The following SMARCA4 variants were observed in gnomAD, a reference collection of about 807,000 sequenced individuals.
SMARCA4 encodes the protein SWI/SNF related BAF chromatin remodeling complex subunit ATPase 4.
In SMARCA4, 31 loss-of-function variants were observed where a neutral mutation model predicts 193.9. The observed-to-expected ratio is 0.16, with a 90% CI of 0.12 to 0.22. The LOEUF is 0.22. Ranked by LOEUF, SMARCA4 falls within the 10% of genes least tolerant of loss-of-function variation. The probability of loss-of-function intolerance (pLI) is 1.00; values close to 1 mark genes in which losing one functional copy is unlikely to be tolerated. For missense variants in SMARCA4, 1,148 were observed against 2,296.0 expected (o/e 0.50, Z 10.22); for synonymous variants, 942 against 933.1 (o/e 1.01, Z -0.17).
intron 6 of SMARCA4, 147 bp downstream of exon 6, chr19:10,988,071 T>C: frequency 1.3e-6 from 1 of 745,578 alleles, no homozygotes; most frequent in Non-Finnish European, 2.2e-6. Flanking sequence ...CTCACCTCCC[T>C]GCTCCCACCC....
intron 29 of SMARCA4, chr19:11,040,456 G>C (rs1177276395): frequency 6.6e-6 from 1 of 151,414 alleles, no homozygotes; most frequent in Non-Finnish European, 1.5e-5. Flanking sequence ...GCTAGGCGTG[G>C]TGGTTTGCGC....
chr19:10,971,041 A>G (rs1230959958), intron 1 of SMARCA4, among the ~76,000 whole-genome samples: 1 of 152,166 alleles, frequency 6.6e-6, no homozygotes, highest in Non-Finnish European at 1.5e-5. Flanking sequence ...TACTAAAAAT[A>G]CAAAATTAGC....
Position 11,008,158 on chromosome 19 carries a change from C to T in SMARCA4, c.2123+135C>T, listed in dbSNP as rs1329696963. On this transcript the variant is annotated intron_variant, in intron 14 of 34. Coordinates refer to ENST00000344626, the MANE Select transcript of SMARCA4 (RefSeq NM_003072.5). ...AGCTGCTACTGTGGAACTACAGAGA[C>T]CAAATTTATTTACTTCACATTTCAT... 7 of 844,436 alleles carry T rather than the reference C, an allele frequency of 8.3e-6. No individual in the cohort carries two copies. In the East Asian group the frequency reaches 1.9e-4, roughly 23 times the overall value. The allele number at this position is 844,436 out of a possible 1,614,324, so 52.3% of individuals were successfully genotyped here.
At chr19:11,009,599 C>A (rs1600180777) in intron 14 of SMARCA4, among the ~76,000 whole-genome samples, 1 of 151,654 alleles carries the variant, frequency 6.6e-6, no homozygotes, top group Middle Eastern at 3.4e-3. Context: ...TGACTCACTG[C>A]AGCCTCTGCC....
At chr19:11,021,424 G>A (rs2089857210) in intron 18 of SMARCA4, 4 of 497,852 alleles carry the variant, frequency 8.0e-6, no homozygotes, top group Admixed American at 2.8e-5. Context: ...TTTCTGTGCT[G>A]TAGATTCATA....
rs769767718 is a variant in SMARCA4, at chr19:11,034,086, C to A, written c.3874-37C>A. The A allele has an allele frequency of 6.4e-7, 1 of 1,559,928 alleles. No individual in the cohort carries two copies. Among genetic ancestry groups the A allele is most frequent in the Non-Finnish European group, 8.8e-7 (1 of 1,131,534 alleles). The stretch of plus-strand genomic sequence containing the variant: ...GAGCTCGGCCGCCGCCCACCCCGGC[C>A]CCTCCTCAGCGGCACTGACAGTTTG... On this transcript the variant is annotated intron_variant, in intron 27 of 34. Coordinates refer to ENST00000344626, the MANE Select transcript of SMARCA4 (RefSeq NM_003072.5). This position sits in a 1 kb window ranked among gnomAD's most constrained non-coding sequence, Gnocchi z 7.0.
intron 14 of SMARCA4, among the ~76,000 whole-genome samples, chr19:11,009,159 C>CA (rs2088564732): frequency 6.6e-6 from 1 of 150,542 alleles, no homozygotes; most frequent in African/African-American, 2.4e-5. Flanking sequence ...GTAGCTGGCA[C>CA]AACAGGCGCG....
rs1026484455 is a variant in SMARCA4, at chr19:11,011,816, G to A, written c.2275-1133G>A. 80 of 152,238 alleles carry A rather than the reference G, an allele frequency of 5.3e-4. 1 individual carries two copies. The highest frequency in any genetic ancestry group is 1.9e-3 in the African/African-American group (79 of 41,452). 9.4% of individuals were successfully genotyped at this position (152,238 alleles called of 1,614,324 possible). ...CTGTAGCGCCCTATGTCGATCAGGT[G>A]TCTGTACTAAGTTCAGCATGAATAT... On this transcript the variant is annotated intron_variant, in intron 15 of 34. Transcript: ENST00000344626.
chr19:11,012,699 T>G, intron 15 of SMARCA4: 1 of 537,684 alleles, frequency 1.9e-6, no homozygotes, highest in South Asian at 1.9e-5. Context: ...AGATGTGTAT[T>G]AGAAATGTCA....
chr19:11,059,899 G>A lies in SMARCA4; in HGVS notation c.4768+14G>A, dbSNP rs1380997550. Reference sequence around the variant, plus strand: ...CCGAATCCGAATGTGAGTCCCGGGGGGGTTCAGGACGCCGGGGTTCACGCT... The same window carrying A: ...CCGAATCCGAATGTGAGTCCCGGGGAGGTTCAGGACGCCGGGGTTCACGCT... On this transcript the variant is annotated intron_variant, in intron 33 of 34. Transcript: ENST00000344626. The A allele has an allele frequency of 3.1e-6, 5 of 1,613,808 alleles. No homozygotes were observed. Among genetic ancestry groups the A allele is most frequent in the Non-Finnish European group, 4.2e-6 (5 of 1,179,994 alleles).
Position 10,984,519 on chromosome 19 carries a change from GC to G in SMARCA4, c.222+149del. On this transcript the variant is annotated intron_variant, in intron 2 of 34. Coordinates refer to ENST00000344626, the MANE Select transcript of SMARCA4 (RefSeq NM_003072.5). This position sits in a 1 kb window ranked among gnomAD's most constrained non-coding sequence, Gnocchi z 4.3. Reference sequence around the variant, plus strand: ...CCTTGGCTCAGCCCCCTACCCCAGGGCCCACGGCCATGAACAGAAGGTTCAG... The same window carrying G: ...CCTTGGCTCAGCCCCCTACCCCAGGGCCACGGCCATGAACAGAAGGTTCAG... The G allele has an allele frequency of 7.1e-7, 1 of 1,413,018 alleles. No homozygotes were observed. The highest frequency in any genetic ancestry group is 2.5e-5 in the East Asian group (1 of 40,250). 87.5% of individuals were successfully genotyped at this position (1,413,018 alleles called of 1,614,324 possible). A position where few individuals can be genotyped will look rare whatever the true frequency, so the allele number is the denominator to read the frequency against.
rs142750187 is a variant in SMARCA4, at chr19:11,061,842, G to A, written c.*26G>A. On this transcript the variant is annotated 3_prime_UTR_variant, in exon 35 of 35. Coordinates refer to ENST00000344626, the MANE Select transcript of SMARCA4 (RefSeq NM_003072.5). ...GCCCCGACATTCCAGTCTCGACCCC[G>A]AGCCCCTCGTTCCAGAGCTGAGATG... 1.1e-4 allele frequency: 180 copies of A among 1,612,630 alleles called. 1 individual carries two copies. In the African/African-American group the frequency reaches 1.9e-3, roughly 17 times the overall value.
At chr19:10,974,687 ATATTTTTTTTTTTTTTTTTTTTTT>A (rs1346922888) in intron 1 of SMARCA4, among the ~76,000 whole-genome samples, 6 of 46,258 alleles carry the variant, frequency 1.3e-4, no homozygotes, top group African/African-American at 5.8e-4. Flanking sequence ...ATATATATAT[ATATTTTTTTTTTTTTTTTTTTTTT>A]TTTTTTTTTT....
chr19:11,042,861 G>A lies in SMARCA4; in HGVS notation c.4424+1301G>A, dbSNP rs145343512. Among the ~76,000 whole-genome samples the A allele has an allele frequency of 3.6e-4, 55 of 152,186 alleles. No homozygotes were observed. In the East Asian group the frequency reaches 9.7e-3, roughly 27 times the overall value. On this transcript the variant is annotated intron_variant, in intron 30 of 34. Coordinates refer to ENST00000344626, the MANE Select transcript of SMARCA4 (RefSeq NM_003072.5). The stretch of plus-strand genomic sequence containing the variant: ...AACAATTACCTGGGCGTGGTGGCAC[G>A]CTTTTTGGGAGGCTGAGACAGGAGA...
At chr19:11,027,726 C>T (rs1163846072) in intron 23 of SMARCA4, 58 bp from the exon 24 acceptor site, 1 of 1,599,064 alleles carries the variant, frequency 6.3e-7, no homozygotes, top group Non-Finnish European at 8.6e-7. Context: ...CCTTACCTGC[C>T]TGCAGGGTTC....
intron 21 of SMARCA4, 42 bp downstream of exon 21, chr19:11,024,480 C>G (rs1397879160): frequency 2.3e-6 from 3 of 1,303,722 alleles, no homozygotes; most frequent in Non-Finnish European, 3.3e-6. Context: ...CACTGGGTGT[C>G]CAAGGCCGGC....
chr19:10,996,485 T>C lies in SMARCA4; in HGVS notation c.1762-9T>C, dbSNP rs1555763918. ...GTCAGGGCCTGACCGTGTCTCTCTC[T>C]ATTTCCAGAAGGCAGAAAATGCAGA... On this transcript the variant is annotated splice_polypyrimidine_tract_variant and intron_variant, in intron 10 of 34. Transcript: ENST00000344626. 1 of 1,614,190 alleles carries C rather than the reference T, an allele frequency of 6.2e-7. No individual in the cohort carries two copies. The highest frequency in any genetic ancestry group is 8.5e-7 in the Non-Finnish European group (1 of 1,179,988).
rs1330714651 is a variant in SMARCA4, at chr19:11,034,816, G to A, written c.3952-98G>A. On this transcript the variant is annotated intron_variant, in intron 28 of 34. Transcript: ENST00000344626. The surrounding 1 kb of genome is among the most constrained non-coding windows in gnomAD (Gnocchi z 7.0). Reference sequence around the variant, plus strand: ...TCTCGCAGCAGCGTGGAGCCCCACGGGCAGAGAAAGGCCCTTCTGAACTCT... The same window carrying A: ...TCTCGCAGCAGCGTGGAGCCCCACGAGCAGAGAAAGGCCCTTCTGAACTCT... 1.2e-6 allele frequency: 1 copy of A among 805,936 alleles called. No homozygotes were observed. Among genetic ancestry groups the A allele is most frequent in the East Asian group, 2.7e-5 (1 of 37,684 alleles). The allele number at this position is 805,936 out of a possible 1,614,324, so 49.9% of individuals were successfully genotyped here.
intron 1 of SMARCA4, among the ~76,000 whole-genome samples, chr19:10,983,111 T>G (rs1201115494): frequency 6.6e-6 from 1 of 151,960 alleles, no homozygotes; most frequent in African/African-American, 2.4e-5. Flanking sequence ...TCACTGAGTG[T>G]GGGTGCGTCT....
Sources: gnomAD v4.1 joint callset for allele counts (sites outside exome capture counted in the v4.1 genomes callset) on GRCh38, gnomAD v4.1.1 for gene constraint, Gnocchi (gnomAD v3.1) non-coding constraint, MANE v1.5 for transcripts, NCBI Gene and HGNC (gene_info 2026-07-23, HGNC 2026-07-21) for gene names.